DLGAP2: variants seen among roughly 807,000 people sequenced by gnomAD.
DLGAP2 encodes the protein DLG associated protein 2, also known as disks large-associated protein 2.
In DLGAP2, 26 loss-of-function variants were observed where a neutral mutation model predicts 100.3. The ratio of observed to expected loss-of-function variants is 0.26; its 90% CI spans 0.19 to 0.36. The LOEUF (loss-of-function observed/expected upper bound fraction) is 0.36, where lower values mean the gene tolerates loss of function less well. Ranked by LOEUF, DLGAP2 falls within the 10% of genes least tolerant of loss-of-function variation. The probability of loss-of-function intolerance (pLI) is 1.00; values close to 1 mark genes in which losing one functional copy is unlikely to be tolerated. For missense variants in DLGAP2, 1,858 were observed against 1,453.2 expected (o/e 1.28, Z -4.53); for synonymous variants, 886 against 630.1 (o/e 1.41, Z -6.08).
chr8:1,322,603 T>A (rs2117041840), intron 3 of DLGAP2, among the ~76,000 whole-genome samples: 1 of 151,996 alleles, frequency 6.6e-6, no homozygotes, highest in Admixed American at 6.5e-5. Flanking sequence ...TGCGCCCACC[T>A]GGCGTGCTGT....
chr8:1,339,467 G>T (rs1337532366), intron 3 of DLGAP2, among the ~76,000 whole-genome samples: 1 of 152,228 alleles, frequency 6.6e-6, no homozygotes, highest in Non-Finnish European at 1.5e-5. Context: ...GGAGCACACA[G>T]GGACCCTCCC....
intron 1 of DLGAP2, among the ~76,000 whole-genome samples, chr8:904,683 C>T (rs1211115147): frequency 6.6e-6 from 1 of 152,150 alleles, no homozygotes; most frequent in East Asian, 1.9e-4. Context: ...GAACACATGT[C>T]AGTGCTCGCA....
At chr8:1,646,520 A>G (rs139176709) in intron 8 of DLGAP2, among the ~76,000 whole-genome samples, 65 of 152,244 alleles carry the variant, frequency 4.3e-4, no homozygotes, top group African/African-American at 1.3e-3. Flanking sequence ...CTTAAAGGGT[A>G]TTTTTTCAGG....
chr8:1,336,925 G>T (rs1801287823), intron 3 of DLGAP2, among the ~76,000 whole-genome samples: 1 of 152,172 alleles, frequency 6.6e-6, no homozygotes. Flanking sequence ...ATGACATTGA[G>T]CAATTCATAT....
chr8:1,018,843 G>A (rs570859994), intron 2 of DLGAP2: 40 of 152,266 alleles, frequency 2.6e-4, no homozygotes, highest in African/African-American at 9.4e-4. Context: ...ACCTTAATTT[G>A]CATGAATCGA....
chr8:764,376 A>G (rs1308388879), intron 1 of DLGAP2, among the ~76,000 whole-genome samples: 1 of 152,242 alleles, frequency 6.6e-6, no homozygotes, highest in South Asian at 2.1e-4. Flanking sequence ...GAACTACTCC[A>G]TCCATCCGAG....
chr8:802,421 CA>C (rs1310314691), intron 1 of DLGAP2, among the ~76,000 whole-genome samples: 1 of 152,242 alleles, frequency 6.6e-6, no homozygotes, highest in Admixed American at 6.5e-5. Flanking sequence ...GGCCCCTGGG[CA>C]GCATCTCCAC....
At chr8:1,189,320 G>C (rs944067636) in intron 2 of DLGAP2, among the ~76,000 whole-genome samples, 1 of 152,234 alleles carries the variant, frequency 6.6e-6, no homozygotes, top group African/African-American at 2.4e-5. Context: ...GGAGACCCAG[G>C]AGCCCATCGT....
chr8:999,487 T>A (rs965570157), intron 2 of DLGAP2, among the ~76,000 whole-genome samples: 2 of 151,606 alleles, frequency 1.3e-5, no homozygotes, highest in Admixed American at 6.6e-5. Context: ...TTTCTTTTTT[T>A]TTTTTTTTCC....
chr8:1,658,211 G>A (rs956179366), intron 8 of DLGAP2, among the ~76,000 whole-genome samples: 1 of 152,020 alleles, frequency 6.6e-6, no homozygotes, highest in Non-Finnish European at 1.5e-5. Flanking sequence ...GGCTTTACCT[G>A]GAGGCTGCCA....
chr8:1,540,710 C>T (rs1266540648), intron 4 of DLGAP2, among the ~76,000 whole-genome samples: 1 of 152,214 alleles, frequency 6.6e-6, no homozygotes, highest in African/African-American at 2.4e-5. Flanking sequence ...GCGGACAGAG[C>T]CCAGCGTGGG....
chr8:1,265,419 A>C (rs1239331441), intron 3 of DLGAP2, among the ~76,000 whole-genome samples: 1 of 152,228 alleles, frequency 6.6e-6, no homozygotes, highest in Admixed American at 6.5e-5. Context: ...ACTTTGCATA[A>C]AAAATATAAA....
At chr8:1,480,012 A>G (rs1467881690) in intron 3 of DLGAP2, among the ~76,000 whole-genome samples, 1 of 152,220 alleles carries the variant, frequency 6.6e-6, no homozygotes, top group Non-Finnish European at 1.5e-5. Context: ...AGTCCTCACC[A>G]GCCCCTGTAA....
intron 5 of DLGAP2, among the ~76,000 whole-genome samples, chr8:1,563,962 C>G (rs1015108740): frequency 6.6e-6 from 1 of 152,150 alleles, no homozygotes; most frequent in Non-Finnish European, 1.5e-5. Context: ...GTCTGAAGAC[C>G]TTTTAAATAT....
chr8:1,646,885 CCTT>C (rs1479687446), intron 8 of DLGAP2, among the ~76,000 whole-genome samples: 9 of 152,158 alleles, frequency 5.9e-5, no homozygotes, highest in Non-Finnish European at 8.8e-5. Context: ...AACTTTTGTC[CCTT>C]CTTCTAATCA....
chr8:947,287 G>GGC (rs895620484), intron 2 of DLGAP2, among the ~76,000 whole-genome samples: 1 of 152,170 alleles, frequency 6.6e-6, no homozygotes, highest in African/African-American at 2.4e-5. Context: ...TCAGGGGCTG[G>GGC]GCGCCAGGTG....
chr8:1,381,405 C>G (rs878926478), intron 3 of DLGAP2: 6 of 152,300 alleles, frequency 3.9e-5, no homozygotes, highest in Admixed American at 3.3e-4. Flanking sequence ...CTGAGCGTAA[C>G]TCTTTTGTAC....
chr8:1,110,939 G>A (rs557533286), intron 2 of DLGAP2, among the ~76,000 whole-genome samples: 1 of 152,226 alleles, frequency 6.6e-6, no homozygotes, highest in Non-Finnish European at 1.5e-5. Flanking sequence ...CAGGGAGTGT[G>A]AGGGTTGGTT....
chr8:1,119,099 T>G (rs1320815056), intron 2 of DLGAP2, among the ~76,000 whole-genome samples: 2 of 152,240 alleles, frequency 1.3e-5, no homozygotes, highest in Non-Finnish European at 2.9e-5. Context: ...TATTTTCAAT[T>G]GATAAGTGAT....
Sources: allele counts gnomAD v4.1 joint callset (sites outside exome capture counted in the v4.1 genomes callset), GRCh38; gene constraint gnomAD v4.1.1; transcripts MANE v1.5; gene names NCBI Gene and HGNC (gene_info 2026-07-23, HGNC 2026-07-21).